NTM: variants seen among roughly 807,000 people sequenced by gnomAD.
NTM encodes the protein IgLON family member 2.
In NTM, 13 loss-of-function variants were observed where a neutral mutation model predicts 42.1. That is an observed-to-expected ratio of 0.31 (90% CI 0.20 to 0.49). The LOEUF is 0.49. Among genes scored for constraint, NTM ranks in the 20% least tolerant of loss-of-function variants. The pLI, the probability that NTM is intolerant of heterozygous loss-of-function variation, is 0.99. For synonymous variants in NTM, 187 were observed against 179.2 expected, an observed-to-expected ratio of 1.04 and a Z score of -0.35; for missense variants, 373 against 452.8, an observed-to-expected ratio of 0.82 and a Z score of 1.60.
chr11:132,002,985 G>A lies in NTM; in HGVS notation c.167+91337G>A, dbSNP rs186897271. 4.6e-5 allele frequency among the ~76,000 whole-genome samples: 7 copies of A among 152,268 alleles called. No homozygotes were observed. In the East Asian group the frequency reaches 7.7e-4, roughly 17 times the overall value. ...TGTCTTCAAGAAGCTTTTACTGTCC[G>A]CCTGTCAAAGTTCCTGAGCAGCAGC... On this transcript the variant is annotated intron_variant, in intron 2 of 8. Transcript: ENST00000683400. This position sits in a 1 kb window ranked among gnomAD's most constrained non-coding sequence, Gnocchi z 4.5.
In NTM at chr11:131,799,954, T is replaced by A. The variant is rs1487295272; in HGVS notation, c.83-111610T>A. ...TTTTTCTAACTTTGATGAAACTCCTTGCCTTTATTTGAAAATGGGGAAACA... is the reference window on the plus strand; with the variant it reads ...TTTTTCTAACTTTGATGAAACTCCTAGCCTTTATTTGAAAATGGGGAAACA... On this transcript the variant is annotated intron_variant, in intron 1 of 8. Transcript: ENST00000683400. Among the ~76,000 whole-genome samples, 81 of 152,304 alleles carry A rather than the reference T, an allele frequency of 5.3e-4. 1 individual carries two copies. The South Asian group carries it at 0.017, about 31-fold the overall frequency.
chr11:131,786,819 C>T (rs1183892279), intron 1 of NTM, among the ~76,000 whole-genome samples: 4 of 152,182 alleles, frequency 2.6e-5, no homozygotes, highest in Non-Finnish European at 1.5e-5. Flanking sequence ...AAGAGGCATT[C>T]TTAGACTAGG....
At chr11:132,124,405 G>T (rs1261609857) in intron 2 of NTM, among the ~76,000 whole-genome samples, 1 of 152,180 alleles carries the variant, frequency 6.6e-6, no homozygotes, top group East Asian at 1.9e-4. Context: ...CGCCCTGTTG[G>T]AAGCTCTTGG....
chr11:131,799,022 A>G (rs954577498), intron 1 of NTM, among the ~76,000 whole-genome samples: 1 of 152,228 alleles, frequency 6.6e-6, no homozygotes, highest in African/African-American at 2.4e-5. Flanking sequence ...TGAAATTCCA[A>G]AACAGAAAAA....
At chr11:131,758,491 A>G (rs2083638731) in intron 1 of NTM, among the ~76,000 whole-genome samples, 1 of 152,088 alleles carries the variant, frequency 6.6e-6, no homozygotes, top group African/African-American at 2.4e-5. Flanking sequence ...ACTGTCCCCA[A>G]ACTTACCAGT....
At chr11:132,221,095 A>G (rs577370658) in intron 4 of NTM, among the ~76,000 whole-genome samples, 1 of 152,284 alleles carries the variant, frequency 6.6e-6, no homozygotes, top group South Asian at 2.1e-4. Flanking sequence ...TTTCGGATGA[A>G]AACGTCCATA....
intron 1 of NTM, among the ~76,000 whole-genome samples, chr11:131,703,693 A>C (rs789524): frequency 0.13 from 19,844 of 152,232 alleles, 1,647 homozygotes; most frequent in South Asian, 0.22. Flanking sequence ...AAATAAGAAA[A>C]GCTGCATTGA....
chr11:132,312,470 T>A (rs1339662805), intron 6 of NTM: 1 of 152,750 alleles, frequency 6.5e-6, no homozygotes, highest in African/African-American at 2.4e-5. Context: ...GTCCACAGCT[T>A]TGGTAAGAAA....
chr11:131,422,011 C>T (rs1004266287), intron 1 of NTM, among the ~76,000 whole-genome samples: 6 of 152,152 alleles, frequency 3.9e-5, no homozygotes, highest in South Asian at 4.1e-4. Flanking sequence ...GTGAAGAATC[C>T]GTGGATGGAA....
At chr11:132,024,994 G>A (rs1162659198) in intron 2 of NTM, among the ~76,000 whole-genome samples, 1 of 152,140 alleles carries the variant, frequency 6.6e-6, no homozygotes, top group African/African-American at 2.4e-5. Context: ...GCCTGGAGTA[G>A]GTTGCACAGA....
intron 2 of NTM, among the ~76,000 whole-genome samples, chr11:132,019,982 C>A (rs916977190): frequency 1.3e-5 from 2 of 151,906 alleles, no homozygotes; most frequent in African/African-American, 4.8e-5. Context: ...GTTATTCAAT[C>A]CTGTACTCCT....
intron 1 of NTM, among the ~76,000 whole-genome samples, chr11:131,616,252 C>G (rs929278188): frequency 1.3e-5 from 2 of 152,218 alleles, no homozygotes; most frequent in Non-Finnish European, 2.9e-5. Flanking sequence ...CCTCCCAGGG[C>G]AGGTCCCTTT....
intron 3 of NTM, among the ~76,000 whole-genome samples, chr11:132,199,056 A>G (rs2080757789): frequency 6.6e-6 from 1 of 152,232 alleles, no homozygotes; most frequent in East Asian, 1.9e-4. Context: ...AGTGGCAGTG[A>G]ATTCTTTGGT....
intron 1 of NTM, among the ~76,000 whole-genome samples, chr11:131,822,502 G>A (rs1369996105): frequency 6.6e-6 from 1 of 152,172 alleles, no homozygotes; most frequent in African/African-American, 2.4e-5. Context: ...GCTCAAATCA[G>A]TGTGAAGAAT....
chr11:132,166,790 C>T (rs756200985), intron 3 of NTM, among the ~76,000 whole-genome samples: 1 of 152,182 alleles, frequency 6.6e-6, no homozygotes, highest in Non-Finnish European at 1.5e-5. Context: ...CTCAGGAATA[C>T]ACCTGAATGT....
chr11:131,670,994 G>A (rs190083749), intron 1 of NTM, among the ~76,000 whole-genome samples: 48 of 152,132 alleles, frequency 3.2e-4, no homozygotes, highest in East Asian at 1.9e-4. Context: ...CTTCACTGTC[G>A]GCAGAGGCTC....
At chr11:131,971,032 A>G (rs1412898604) in intron 2 of NTM, among the ~76,000 whole-genome samples, 1 of 152,192 alleles carries the variant, frequency 6.6e-6, no homozygotes, top group Non-Finnish European at 1.5e-5. Context: ...CAAGCCTATG[A>G]CAAACAACCC....
intron 4 of NTM, among the ~76,000 whole-genome samples, chr11:132,302,415 G>A (rs1452438464): frequency 6.6e-6 from 1 of 152,130 alleles, no homozygotes; most frequent in African/African-American, 2.4e-5. Context: ...CACTAATAGT[G>A]ATGATATTTC....
intron 1 of NTM, among the ~76,000 whole-genome samples, chr11:131,681,253 T>C (rs1437308109): frequency 2.7e-5 from 1 of 36,770 alleles, no homozygotes. Flanking sequence ...GAGCGTGTGT[T>C]TCTGTGTCTG....
Sources: gnomAD v4.1 joint callset for allele counts (sites outside exome capture counted in the v4.1 genomes callset) on GRCh38, gnomAD v4.1.1 for gene constraint, Gnocchi (gnomAD v3.1) non-coding constraint, MANE v1.5 for transcripts, NCBI Gene and HGNC (gene_info 2026-07-23, HGNC 2026-07-21) for gene names.